The following MLPH variants were observed in gnomAD, a reference collection of about 807,000 sequenced individuals.
MLPH encodes exophilin-3.
Under a neutral mutation model 72.1 loss-of-function variants are expected in MLPH, and 51 were observed. That is an observed-to-expected ratio of 0.71 (90% CI 0.56 to 0.89). The LOEUF (loss-of-function observed/expected upper bound fraction) is 0.89. MLPH is among the 40% of genes least tolerant of loss of function. The pLI, the probability that MLPH is intolerant of heterozygous loss-of-function variation, is 0.00. For synonymous variants in MLPH, 301 were observed against 310.1 expected (o/e 0.97, Z 0.31); for missense variants, 743 against 759.9 (o/e 0.98, Z 0.26).
At chr2:237,535,405 G>A (rs1296852192) in intron 9 of MLPH, among the ~76,000 whole-genome samples, 1 of 151,940 alleles carries the variant, frequency 6.6e-6, no homozygotes, top group African/African-American at 2.4e-5. Flanking sequence ...AACTTTAGGG[G>A]ACACAGTCAA....
intron 2 of MLPH, among the ~76,000 whole-genome samples, chr2:237,494,251 G>A (rs2079489630): frequency 6.6e-6 from 1 of 152,160 alleles, no homozygotes; most frequent in African/African-American, 2.4e-5. Flanking sequence ...AAGGCAGATG[G>A]TGGAGGGCAG....
At chr2:237,524,867 G>A (rs1231292124) in intron 6 of MLPH, among the ~76,000 whole-genome samples, 1 of 152,204 alleles carries the variant, frequency 6.6e-6, no homozygotes, top group Admixed American at 6.5e-5. Context: ...CTGGGGCGGG[G>A]CTCGGTCCAC....
intron 9 of MLPH, among the ~76,000 whole-genome samples, chr2:237,540,068 C>T (rs2080635308): frequency 6.6e-6 from 1 of 152,166 alleles, no homozygotes; most frequent in South Asian, 2.1e-4. Flanking sequence ...CACCCTTAAA[C>T]AAAAGGGATG....
chr2:237,523,937 G>A (rs1289213616), intron 6 of MLPH, among the ~76,000 whole-genome samples: 1 of 152,118 alleles, frequency 6.6e-6, no homozygotes, highest in Admixed American at 6.5e-5. Flanking sequence ...TCGGCCTAGG[G>A]TTAAAATAGT....
At chr2:237,545,338 G>C in intron 12 of MLPH, 1 of 818,948 alleles carries the variant, frequency 1.2e-6, no homozygotes, top group Non-Finnish European at 1.7e-6. Flanking sequence ...GCAGGATCCT[G>C]GGCCCCCCAC....
chr2:237,521,632 A>G (rs13431733), intron 6 of MLPH, among the ~76,000 whole-genome samples: 25,416 of 152,194 alleles, frequency 0.17, 2,350 homozygotes, highest in African/African-American at 0.23. Context: ...TGCTGTGAGT[A>G]TGGTAGTAAC....
At position 237,540,486 on chromosome 2, in the gene MLPH, C is replaced by A. The variant is rs1468734143; in HGVS notation, c.1243C>A (p.Pro415Thr). The change falls in exon 10 of 16, where the codon CCC (proline) becomes ACC (threonine). Residue 415 changes from proline to threonine, a missense_variant. Pro to Thr is a conservative substitution (Grantham distance 38, BLOSUM62 -1). Coordinates refer to ENST00000264605, the MANE Select transcript of MLPH (RefSeq NM_024101.7). ...GGAAGCCAAGGACGAAAAGGCAGAG[C>A]CCAACAGGGACAAATCAGTTGGGCC... ...EEEAKDEKAE[P>T]NRDKSVGPLP... The A allele has an allele frequency of 6.8e-6, 11 of 1,612,876 alleles. No individual in the cohort carries two copies. Among genetic ancestry groups the A allele is most frequent in the Non-Finnish European group, 9.3e-6 (11 of 1,179,968 alleles).
At chr2:237,528,697 C>T (rs1045833745) in intron 8 of MLPH, among the ~76,000 whole-genome samples, 1 of 150,356 alleles carries the variant, frequency 6.7e-6, no homozygotes, top group Non-Finnish European at 1.5e-5. Flanking sequence ...CCACCTCTCT[C>T]TAATTCCAAA....
In MLPH at chr2:237,541,024, G is replaced by A. The variant is rs994866365; in HGVS notation, c.1446+67G>A. ...CAGATGGTGACCACACCCAGGCCTT[G>A]AACATCTGCCAGCTCTAACATCCGC... is the stretch of plus-strand genomic sequence containing the variant. On this transcript the variant is annotated intron_variant, in intron 11 of 15. Coordinates refer to ENST00000264605, the MANE Select transcript of MLPH (RefSeq NM_024101.7). This position sits in a 1 kb window ranked among gnomAD's most constrained non-coding sequence, Gnocchi z 5.1. 1.4e-5 allele frequency: 22 copies of A among 1,540,538 alleles called. No homozygotes were observed. The highest frequency in any genetic ancestry group is 2.7e-5 in the African/African-American group (2 of 73,326).
intron 12 of MLPH, chr2:237,546,279 G>A (rs1026015003): frequency 5.1e-5 from 20 of 394,746 alleles, no homozygotes; most frequent in African/African-American, 3.3e-4. Context: ...GGGGATGACT[G>A]TGAATAGAAT....
intron 8 of MLPH, among the ~76,000 whole-genome samples, chr2:237,529,749 A>G (rs189113499): frequency 1.0e-3 from 156 of 152,338 alleles, no homozygotes; most frequent in African/African-American, 3.6e-3. Flanking sequence ...TGGAGACCGG[A>G]ACCGCAGTTT....
In MLPH at chr2:237,540,836, A is replaced by C; in HGVS notation, c.1325A>C (p.Glu442Ala). Residue 442 changes from glutamate to alanine, a missense_variant, in exon 11 of 16, where the codon GAA becomes GCA. By Grantham distance (107) the Glu-to-Ala change is moderately radical (BLOSUM62 -1). Transcript: ENST00000264605. ...GCTGCCCATCAAACCAACAGACAGGAAAAAAGCCCCCAGGACCCTGGGGAC... is the reference window on the plus strand; with the variant it reads ...GCTGCCCATCAAACCAACAGACAGGCAAAAAGCCCCCAGGACCCTGGGGAC... ...GTAAHQTNRQ[E>A]KSPQDPGDPV... 1 of 1,613,194 alleles carries C rather than the reference A, an allele frequency of 6.2e-7. No individual in the cohort carries two copies. The highest frequency in any genetic ancestry group is 1.3e-5 in the African/African-American group (1 of 75,022).
chr2:237,539,007 C>T (rs2080603208), intron 9 of MLPH, among the ~76,000 whole-genome samples: 3 of 152,194 alleles, frequency 2.0e-5, no homozygotes, highest in South Asian at 2.1e-4. Context: ...AGGAGGGAGC[C>T]GCTGCAGGAG....
intron 14 of MLPH, 64 bp downstream of exon 14, chr2:237,549,342 C>T: frequency 7.4e-7 from 1 of 1,346,558 alleles, no homozygotes; most frequent in Non-Finnish European, 1.1e-6. Flanking sequence ...AGGAAAATGA[C>T]CAGTCGCAGC....
At chr2:237,546,453 G>C in intron 12 of MLPH, 153 bp from the exon 13 acceptor site, 1 of 711,432 alleles carries the variant, frequency 1.4e-6, no homozygotes, top group South Asian at 1.5e-5. Context: ...CCAGAGTCCT[G>C]GAGCGGCATA....
intron 1 of MLPH, among the ~76,000 whole-genome samples, 153 bp downstream of exon 1, chr2:237,487,590 G>A (rs186466435): frequency 7.2e-5 from 11 of 152,372 alleles, no homozygotes; most frequent in Non-Finnish European, 1.3e-4. Context: ...GGCTGGTGAG[G>A]ACAGCGCGTT....
chr2:237,545,612 G>A (rs1488716050), intron 12 of MLPH: 3 of 1,286,348 alleles, frequency 2.3e-6, no homozygotes, highest in East Asian at 5.5e-5. Flanking sequence ...TAGAACGGAG[G>A]GCGCGGGAGG....
Position 237,541,032 on chromosome 2 carries a change from G to C in MLPH, c.1446+75G>C. The stretch of plus-strand genomic sequence containing the variant: ...GACCACACCCAGGCCTTGAACATCT[G>C]CCAGCTCTAACATCCGCCAGCTCAC... On this transcript the variant is annotated intron_variant, in intron 11 of 15. Transcript: ENST00000264605. The surrounding 1 kb of genome is among the most constrained non-coding windows in gnomAD (Gnocchi z 5.1). The C allele has an allele frequency of 6.5e-7, 1 of 1,528,754 alleles. No homozygotes were observed. The highest frequency in any genetic ancestry group is 8.9e-7 in the Non-Finnish European group (1 of 1,128,328). 94.7% of individuals were successfully genotyped at this position (1,528,754 alleles called of 1,614,324 possible). A position where few individuals can be genotyped will look rare whatever the true frequency, so the allele number is the denominator to read the frequency against.
In MLPH at chr2:237,533,390, C is replaced by CTTT. The variant is rs746139615; in HGVS notation, c.1021-1154_1021-1152dup. The stretch of plus-strand genomic sequence containing the variant: ...GGAAGTCTCTTCTCTATTTTCTTTT[C>CTTT]TTTTTTTTTTTTTTTTTTTTTTGTC... On this transcript the variant is annotated intron_variant, in intron 8 of 15. Coordinates refer to ENST00000264605, the MANE Select transcript of MLPH (RefSeq NM_024101.7). Among the ~76,000 whole-genome samples the CTTT allele has an allele frequency of 3.6e-3, 393 of 107,928 alleles. 3 individuals are homozygous for CTTT. The highest frequency in any genetic ancestry group is 4.4e-3 in the African/African-American group (117 of 26,522). The allele number at this position is 107,928 out of a possible 152,430, so 70.8% of individuals were successfully genotyped here. A position where few individuals can be genotyped will look rare whatever the true frequency, so the allele number is the denominator to read the frequency against.
Sources: allele counts gnomAD v4.1 joint callset (sites outside exome capture counted in the v4.1 genomes callset), GRCh38; gene constraint gnomAD v4.1.1; non-coding constraint Gnocchi (gnomAD v3.1); transcripts MANE v1.5; gene names NCBI Gene and HGNC (gene_info 2026-07-23, HGNC 2026-07-21).